MGMT: variants seen among roughly 807,000 people sequenced by gnomAD.
The protein encoded by MGMT is methylated-DNA--protein-cysteine methyltransferase.
MGMT carries 14 observed loss-of-function variants against 15.9 expected under a neutral mutation model. The observed-to-expected ratio is 0.88, with a 90% CI of 0.58 to 1.37. The LOEUF (loss-of-function observed/expected upper bound fraction) is 1.37, where lower values mean the gene tolerates loss of function less well. Ranked by LOEUF, MGMT falls within the 40% of genes most tolerant of loss-of-function variation. MGMT has a pLI of 0.00. For missense variants in MGMT, 282 were observed against 268.1 expected (o/e 1.05, Z -0.36); for synonymous variants, 130 against 118.2 (o/e 1.10, Z -0.65).
chr10:129,707,067 G>A (rs1848172251), intron 2 of MGMT, among the ~76,000 whole-genome samples: 1 of 152,120 alleles, frequency 6.6e-6, no homozygotes, highest in African/African-American at 2.4e-5. Context: ...TTCGAGACCA[G>A]CCTGGCCAAC....
chr10:129,552,959 C>A (rs1846174985), intron 2 of MGMT, among the ~76,000 whole-genome samples: 1 of 152,038 alleles, frequency 6.6e-6, no homozygotes, highest in African/African-American at 2.4e-5. Context: ...TTGCTTTTTT[C>A]TATTTATTAA....
chr10:129,573,701 C>T lies in MGMT; in HGVS notation c.125+37324C>T, dbSNP rs538130333. Among the ~76,000 whole-genome samples, 7 of 152,226 alleles carry T rather than the reference C, an allele frequency of 4.6e-5. No homozygotes were observed. In the South Asian group the frequency reaches 6.2e-4, roughly 14 times the overall value. On this transcript the variant is annotated intron_variant, in intron 2 of 4. Transcript: ENST00000651593. ...CTTTTTCAGTATCTTTTGAATTACTCGACTTTGTGTTTACACACATTTTAC... is the reference window on the plus strand; with the variant it reads ...CTTTTTCAGTATCTTTTGAATTACTTGACTTTGTGTTTACACACATTTTAC...
intron 1 of MGMT, among the ~76,000 whole-genome samples, chr10:129,523,468 C>G (rs1181111653): frequency 2.6e-5 from 4 of 152,176 alleles, no homozygotes; most frequent in Admixed American, 6.5e-5. Flanking sequence ...GGGCATGAGA[C>G]TGTGCTGAGG....
At chr10:129,751,716 A>C (rs1479504295) in intron 3 of MGMT, among the ~76,000 whole-genome samples, 3 of 151,880 alleles carry the variant, frequency 2.0e-5, no homozygotes, top group Non-Finnish European at 4.4e-5. Flanking sequence ...TTTCAGTTTC[A>C]TTCTGTTCAG....
intron 1 of MGMT, among the ~76,000 whole-genome samples, chr10:129,528,539 C>T (rs987842290): frequency 3.3e-5 from 5 of 149,910 alleles, no homozygotes; most frequent in South Asian, 2.1e-4. Context: ...GGCGTGGGTG[C>T]GATGGGGTCA....
intron 2 of MGMT, among the ~76,000 whole-genome samples, chr10:129,704,122 C>T (rs1160955478): frequency 1.3e-5 from 2 of 152,044 alleles, no homozygotes; most frequent in Non-Finnish European, 2.9e-5. Flanking sequence ...ACTGTTTATT[C>T]GGTTAGCAAA....
At chr10:129,496,942 C>T (rs891879890) in intron 1 of MGMT, among the ~76,000 whole-genome samples, 4 of 152,080 alleles carry the variant, frequency 2.6e-5, no homozygotes, top group African/African-American at 9.7e-5. Flanking sequence ...ATCCGCCTAC[C>T]TCAGCCTCCC....
At chr10:129,524,829 A>G (rs1302016356) in intron 1 of MGMT, among the ~76,000 whole-genome samples, 1 of 151,908 alleles carries the variant, frequency 6.6e-6, no homozygotes, top group Non-Finnish European at 1.5e-5. Flanking sequence ...TGACCTCGTG[A>G]TCCACACGCC....
intron 2 of MGMT, chr10:129,694,238 G>A (rs1483787836): frequency 6.6e-6 from 1 of 152,322 alleles, no homozygotes; most frequent in African/African-American, 2.4e-5. Flanking sequence ...TCAAGGCATA[G>A]GGCTCCTGGC....
At chr10:129,669,685 A>G (rs929633502) in intron 2 of MGMT, among the ~76,000 whole-genome samples, 1 of 152,180 alleles carries the variant, frequency 6.6e-6, no homozygotes, top group Non-Finnish European at 1.5e-5. Context: ...TGGGATCCAC[A>G]AAAAACAAAA....
chr10:129,570,745 A>G (rs2133038889), intron 2 of MGMT, among the ~76,000 whole-genome samples: 1 of 152,304 alleles, frequency 6.6e-6, no homozygotes, highest in East Asian at 1.9e-4. Context: ...GTATTGAGGG[A>G]AAAATTTAGT....
chr10:129,718,823 T>C (rs1848332265), intron 3 of MGMT, among the ~76,000 whole-genome samples: 1 of 151,758 alleles, frequency 6.6e-6, no homozygotes, highest in East Asian at 2.0e-4. Flanking sequence ...GCACATCACC[T>C]TCCTAGGCTG....
intron 2 of MGMT, among the ~76,000 whole-genome samples, chr10:129,672,548 G>T (rs1452101807): frequency 1.3e-5 from 2 of 152,106 alleles, no homozygotes; most frequent in Admixed American, 6.5e-5. Context: ...TATCCGTGGG[G>T]TCCATTGTGT....
chr10:129,631,280 C>T (rs901471100), intron 2 of MGMT, among the ~76,000 whole-genome samples: 5 of 152,082 alleles, frequency 3.3e-5, no homozygotes, highest in Non-Finnish European at 7.3e-5. Context: ...GCTTAGCTCT[C>T]TGTTTTCATA....
intron 2 of MGMT, among the ~76,000 whole-genome samples, chr10:129,605,030 A>G (rs1040011862): frequency 7.2e-5 from 11 of 152,150 alleles, no homozygotes; most frequent in African/African-American, 2.4e-4. Flanking sequence ...TTAATGTTTT[A>G]CCAAATTAAA....
At chr10:129,665,447 A>G (rs989775386) in intron 2 of MGMT, among the ~76,000 whole-genome samples, 17 of 151,908 alleles carry the variant, frequency 1.1e-4, no homozygotes, top group African/African-American at 3.6e-4. Flanking sequence ...GCCCTGAGAA[A>G]GGAGCAGACA....
chr10:129,531,190 C>T (rs1845927454), intron 1 of MGMT, among the ~76,000 whole-genome samples: 1 of 152,104 alleles, frequency 6.6e-6, no homozygotes, highest in Non-Finnish European at 1.5e-5. Context: ...CTGATGGGGT[C>T]TCATCACTGG....
chr10:129,735,452 T>C (rs1276532538), intron 3 of MGMT, among the ~76,000 whole-genome samples: 2 of 152,218 alleles, frequency 1.3e-5, no homozygotes, highest in Non-Finnish European at 2.9e-5. Context: ...CTTCTCTCTC[T>C]TTTTCTTTAT....
Position 129,586,932 on chromosome 10 carries a change from T to G in MGMT, c.125+50555T>G, listed in dbSNP as rs535763789. On this transcript the variant is annotated intron_variant, in intron 2 of 4. Coordinates refer to ENST00000651593, the MANE Select transcript of MGMT (RefSeq NM_002412.5). ...AAGACTTAGCATTTCTTCTGTGGGGTCTGATGGTGATACTGTCTTTTAGTG... is the reference window on the plus strand; with the variant it reads ...AAGACTTAGCATTTCTTCTGTGGGGGCTGATGGTGATACTGTCTTTTAGTG... 2.0e-5 allele frequency among the ~76,000 whole-genome samples: 3 copies of G among 152,330 alleles called. No homozygotes were observed. The East Asian group carries it at 5.8e-4, about 29-fold the overall frequency.
Sources: gnomAD v4.1 joint callset for allele counts (sites outside exome capture counted in the v4.1 genomes callset) on GRCh38, gnomAD v4.1.1 for gene constraint, MANE v1.5 for transcripts, NCBI Gene and HGNC (gene_info 2026-07-23, HGNC 2026-07-21) for gene names.